HIPK2: variants seen among roughly 807,000 people sequenced by gnomAD.
HIPK2 encodes the protein homeodomain interacting protein kinase 2.
HIPK2 carries 27 observed loss-of-function variants against 113.7 expected under a neutral mutation model. The ratio of observed to expected loss-of-function variants is 0.24; its 90% CI spans 0.17 to 0.33. The LOEUF (loss-of-function observed/expected upper bound fraction) is 0.33. Among genes scored for constraint, HIPK2 ranks in the 10% least tolerant of loss-of-function variants. The pLI, the probability that HIPK2 is intolerant of heterozygous loss-of-function variation, is 1.00. For synonymous variants in HIPK2, 631 were observed against 642.2 expected (o/e 0.98, Z 0.26); for missense variants, 1,257 against 1,588.0 (o/e 0.79, Z 3.54).
chr7:139,744,465 T>A (rs1381833034), intron 1 of HIPK2, among the ~76,000 whole-genome samples: 4 of 152,176 alleles, frequency 2.6e-5, no homozygotes, highest in Non-Finnish European at 5.9e-5. Flanking sequence ...CCTTTTGGGA[T>A]GATGGAATGT....
intron 1 of HIPK2, among the ~76,000 whole-genome samples, chr7:139,756,445 G>C (rs552782341): frequency 6.6e-6 from 1 of 152,138 alleles, no homozygotes; most frequent in Admixed American, 6.5e-5. Context: ...GTTTTTTTGA[G>C]ACGGAGTCTC....
chr7:139,626,555 T>TA, intron 6 of HIPK2, 46 bp downstream of exon 6: 5 of 1,576,944 alleles, frequency 3.2e-6, no homozygotes, highest in Non-Finnish European at 4.3e-6. Context: ...TCTGGGCCTT[T>TA]AAAGTTTGCC....
intron 9 of HIPK2, 101 bp from the exon 10 acceptor site, chr7:139,604,324 C>T (rs912606910): frequency 1.3e-5 from 19 of 1,493,016 alleles, no homozygotes; most frequent in African/African-American, 9.7e-5. Flanking sequence ...GCTAGACATT[C>T]TCATGGGTGT....
At chr7:139,752,724 GAAAA>G (rs768536532) in intron 1 of HIPK2, among the ~76,000 whole-genome samples, 2 of 104,686 alleles carry the variant, frequency 1.9e-5, no homozygotes, top group Non-Finnish European at 1.9e-5. Flanking sequence ...TTTCACAGCT[GAAAA>G]AAAAAAAAAA....
chr7:139,562,521 CAG>C lies in HIPK2; in HGVS notation c.*10404_*10405del. ...ATGGATACCATTTTTGGAAACGTGA[CAG>C]AGTATCAGAGGCTGCAGCTCAGTAC... On this transcript the variant is annotated 3_prime_UTR_variant, in exon 15 of 15. Transcript: ENST00000406875. 1 of 152,350 alleles carries C rather than the reference CAG, an allele frequency of 6.6e-6. No homozygotes were observed. The highest frequency in any genetic ancestry group is 1.5e-5 in the Non-Finnish European group (1 of 68,026). 9.4% of individuals were successfully genotyped at this position (152,350 alleles called of 1,614,324 possible).
intron 14 of HIPK2, 76 bp from the exon 15 acceptor site, chr7:139,573,473 G>C: frequency 7.3e-7 from 1 of 1,361,538 alleles, no homozygotes; most frequent in Non-Finnish European, 1.0e-6. Flanking sequence ...GGGGCAGGAG[G>C]GCAGGGAGGA....
intron 7 of HIPK2, among the ~76,000 whole-genome samples, chr7:139,619,560 G>C (rs746142931): frequency 4.7e-4 from 72 of 152,282 alleles, no homozygotes; most frequent in Admixed American, 9.8e-4. Context: ...TTTAGTTCCA[G>C]CTGCTGGGAT....
intron 13 of HIPK2, among the ~76,000 whole-genome samples, chr7:139,576,036 A>C (rs1187189443): frequency 6.6e-6 from 1 of 152,264 alleles, no homozygotes; most frequent in Non-Finnish European, 1.5e-5. Flanking sequence ...AAATAGACTA[A>C]GACAGGATCC....
intron 2 of HIPK2, among the ~76,000 whole-genome samples, chr7:139,648,111 T>G (rs1328391054): frequency 2.0e-5 from 3 of 152,206 alleles, no homozygotes; most frequent in African/African-American, 7.2e-5. Flanking sequence ...GCTAACCAAA[T>G]TCCACCCCCA....
intron 1 of HIPK2, among the ~76,000 whole-genome samples, chr7:139,728,018 T>C (rs531095012): frequency 1.3e-5 from 2 of 150,926 alleles, no homozygotes; most frequent in African/African-American, 4.9e-5. Context: ...TAGCTCATTG[T>C]AGGCTCAACT....
At chr7:139,762,034 G>T (rs1025603748) in intron 1 of HIPK2, among the ~76,000 whole-genome samples, 1 of 151,968 alleles carries the variant, frequency 6.6e-6, no homozygotes, top group African/African-American at 2.4e-5. Flanking sequence ...TGTTATTTCT[G>T]TACTAAATAC....
chr7:139,645,502 T>C (rs1412256171), intron 2 of HIPK2, among the ~76,000 whole-genome samples: 1 of 152,162 alleles, frequency 6.6e-6, no homozygotes, highest in African/African-American at 2.4e-5. Flanking sequence ...CCCACTGCAC[T>C]GTGTGTTAGG....
intron 5 of HIPK2, among the ~76,000 whole-genome samples, chr7:139,627,650 C>T (rs560304151): frequency 6.6e-6 from 1 of 152,350 alleles, no homozygotes; most frequent in East Asian, 1.9e-4. Context: ...GACAAGCACA[C>T]TTTACTCAGA....
At chr7:139,731,009 C>T (rs4077955) in intron 1 of HIPK2, among the ~76,000 whole-genome samples, 1,674 of 152,270 alleles carry the variant, frequency 0.011, 32 homozygotes, top group African/African-American at 0.038. Context: ...TTCGAGGGAA[C>T]GTGGCCCTGC....
intron 2 of HIPK2, among the ~76,000 whole-genome samples, chr7:139,690,082 G>T: frequency 6.7e-6 from 1 of 149,238 alleles, no homozygotes. Context: ...GGGAGTGCGG[G>T]GAGGGACAGC....
chr7:139,736,678 C>A (rs1291356934), intron 1 of HIPK2, among the ~76,000 whole-genome samples: 1 of 152,186 alleles, frequency 6.6e-6, no homozygotes, highest in Non-Finnish European at 1.5e-5. Flanking sequence ...AAACTTAATG[C>A]CTACGCTGGA....
chr7:139,776,220 A>T (rs1796740797), intron 1 of HIPK2, among the ~76,000 whole-genome samples: 1 of 152,192 alleles, frequency 6.6e-6, no homozygotes, highest in Non-Finnish European at 1.5e-5. Flanking sequence ...TCAGAATCAA[A>T]GAGGAAAGCC....
At chr7:139,669,805 G>GT (rs1283416610) in intron 2 of HIPK2, among the ~76,000 whole-genome samples, 1 of 152,132 alleles carries the variant, frequency 6.6e-6, no homozygotes, top group African/African-American at 2.4e-5. Context: ...TGTGAGTGTG[G>GT]TTTTTTTAGG....
intron 2 of HIPK2, among the ~76,000 whole-genome samples, chr7:139,682,292 T>C (rs1802732507): frequency 6.6e-6 from 1 of 152,186 alleles, no homozygotes; most frequent in African/African-American, 2.4e-5. Flanking sequence ...GAGCCCATAG[T>C]GAGTCAAGAC....
Sources: allele counts gnomAD v4.1 joint callset (sites outside exome capture counted in the v4.1 genomes callset), GRCh38; gene constraint gnomAD v4.1.1; transcripts MANE v1.5; gene names NCBI Gene and HGNC (gene_info 2026-07-23, HGNC 2026-07-21).